The following SMPD1 variants were observed in gnomAD, a reference collection of about 807,000 sequenced individuals.
SMPD1 encodes sphingomyelin phosphodiesterase.
In SMPD1, 47 loss-of-function variants were observed where a neutral mutation model predicts 49.7. The observed-to-expected ratio is 0.95, with a 90% CI of 0.75 to 1.21. The LOEUF (loss-of-function observed/expected upper bound fraction) is 1.21, where lower values mean the gene tolerates loss of function less well. Ranked by LOEUF, SMPD1 falls within the 50% of genes most tolerant of loss-of-function variation. The pLI, the probability that SMPD1 is intolerant of heterozygous loss-of-function variation, is 0.00. For missense variants in SMPD1, 811 were observed against 822.2 expected (o/e 0.99, Z 0.17); for synonymous variants, 336 against 339.6 (o/e 0.99, Z 0.12).
In SMPD1 at chr11:6,390,619, A is replaced by G. The variant is rs774163288; in HGVS notation, c.21A>G (p.Ser7=). The change falls in exon 1 of 6, where the codon TCA becomes TCG. Residue 7 remains serine (S), a synonymous_variant. Transcript: ENST00000342245. MPRYGA[S]LRQSCPRSGR... ...CGACAATGCCCCGCTACGGAGCGTC[A>G]CTCCGCCAGAGCTGCCCCAGGTCCG... The G allele has an allele frequency of 6.2e-7, 1 of 1,612,542 alleles. No homozygotes were observed. The highest frequency in any genetic ancestry group is 8.5e-7 in the Non-Finnish European group (1 of 1,179,670).
In SMPD1 at chr11:6,393,291, T is replaced by C. The variant is rs1162794351; in HGVS notation, c.1167T>C (p.Arg389=). Residue 389 remains arginine, a synonymous_variant, in exon 3 of 6, where the codon CGT becomes CGC. Coordinates refer to ENST00000342245, the MANE Select transcript of SMPD1 (RefSeq NM_000543.5). ...CTCTCAATATGAATTTTTGTTCCCGTGAGAACTTCTGGCTCTTGATCAACT... is the reference window on the plus strand; with the variant it reads ...CTCTCAATATGAATTTTTGTTCCCGCGAGAACTTCTGGCTCTTGATCAACT... ...LISLNMNFCS[R]ENFWLLINST... The C allele has an allele frequency of 2.5e-6, 4 of 1,613,966 alleles. No individual in the cohort carries two copies. Among genetic ancestry groups the C allele is most frequent in the Middle Eastern group, 3.3e-4 (2 of 6,060 alleles).
Position 6,394,588 on chromosome 11 carries a change from C to A in SMPD1, c.1877C>A (p.Pro626Gln), listed in dbSNP as rs779792544. Residue 626 changes from proline to glutamine, a missense_variant, in exon 6 of 6, where the codon CCA (proline) becomes CAA (glutamine). Physicochemically the swap from Pro to Gln is moderately conservative, Grantham distance 76. Coordinates refer to ENST00000342245, the MANE Select transcript of SMPD1 (RefSeq NM_000543.5). ...GSLPEAQSLWPRPLFC is the reference protein window; with the variant it reads ...GSLPEAQSLWQRPLFC ...CTCCCAGAGGCCCAGAGCCTGTGGCCAAGGCCACTGTTTTGCTAGGGCCCC... is the reference window on the plus strand; with the variant it reads ...CTCCCAGAGGCCCAGAGCCTGTGGCAAAGGCCACTGTTTTGCTAGGGCCCC... 1 of 1,603,458 alleles carries A rather than the reference C, an allele frequency of 6.2e-7. No homozygotes were observed. Among genetic ancestry groups the A allele is most frequent in the African/African-American group, 1.3e-5 (1 of 75,064 alleles).
rs1274082613 is a variant in SMPD1, at chr11:6,394,789, G to A, written c.*182G>A. Reference sequence around the variant, plus strand: ...CTGGTTTAGCTGGATATGGGAGGGGGTTTGGCTGCCTGTGCCCAGGAGCTA... The same window carrying A: ...CTGGTTTAGCTGGATATGGGAGGGGATTTGGCTGCCTGTGCCCAGGAGCTA... On this transcript the variant is annotated 3_prime_UTR_variant, in exon 6 of 6. Transcript: ENST00000342245. The A allele has an allele frequency of 4.7e-6, 3 of 638,408 alleles. No homozygotes were observed. The highest frequency in any genetic ancestry group is 5.4e-5 in the East Asian group (2 of 36,718). 39.5% of individuals were successfully genotyped at this position (638,408 alleles called of 1,614,324 possible). A position where few individuals can be genotyped will look rare whatever the true frequency, so the allele number is the denominator to read the frequency against.
intron 3 of SMPD1, 90 bp downstream of exon 3, chr11:6,393,477 T>C: frequency 6.8e-7 from 1 of 1,469,762 alleles, no homozygotes; most frequent in East Asian, 2.3e-5. Flanking sequence ...AGTTTTATTT[T>C]CCTGGCATTC....
intron 2 of SMPD1, 173 bp downstream of exon 2, chr11:6,392,329 CTTTTT>C (rs756326903): frequency 7.9e-4 from 320 of 403,864 alleles, no homozygotes; most frequent in African/African-American, 3.3e-3. Flanking sequence ...CCGCACCAGG[CTTTTT>C]TTTTTTTTTT....
In SMPD1 at chr11:6,394,901, G is replaced by A. The variant is rs12278115; in HGVS notation, c.*294G>A. ...CTGGGCAGACAAGACAGGAGCTGTCGCCCCAGGCCTGTGCTGCCCAGCCAG... is the reference window on the plus strand; with the variant it reads ...CTGGGCAGACAAGACAGGAGCTGTCACCCCAGGCCTGTGCTGCCCAGCCAG... On this transcript the variant is annotated 3_prime_UTR_variant, in exon 6 of 6. Transcript: ENST00000342245. The A allele has an allele frequency of 6.5e-5, 32 of 492,168 alleles. 1 individual carries two copies. Among genetic ancestry groups the A allele is most frequent in the East Asian group, 1.1e-4 (3 of 26,494 alleles). 30.5% of individuals were successfully genotyped at this position (492,168 alleles called of 1,614,324 possible). A position where few individuals can be genotyped will look rare whatever the true frequency, so the allele number is the denominator to read the frequency against.
chr11:6,390,627 A>G lies in SMPD1; in HGVS notation c.29A>G (p.Gln10Arg). MPRYGASLRQSCPRSGREQG... is the reference protein window; with the variant it reads MPRYGASLRRSCPRSGREQG... Reference sequence around the variant, plus strand: ...CCCCGCTACGGAGCGTCACTCCGCCAGAGCTGCCCCAGGTCCGGCCGGGAG... The same window carrying G: ...CCCCGCTACGGAGCGTCACTCCGCCGGAGCTGCCCCAGGTCCGGCCGGGAG... Residue 10 changes from glutamine to arginine, a missense_variant, in exon 1 of 6, where the codon CAG becomes CGG. Physicochemically the swap from Gln to Arg is conservative, Grantham distance 43 (BLOSUM62 1). Coordinates refer to ENST00000342245, the MANE Select transcript of SMPD1 (RefSeq NM_000543.5). 1.9e-6 allele frequency: 3 copies of G among 1,612,972 alleles called. No individual in the cohort carries two copies. The highest frequency in any genetic ancestry group is 2.5e-6 in the Non-Finnish European group (3 of 1,179,742).
In SMPD1 at chr11:6,390,853, G is replaced by A. The variant is rs1554933929; in HGVS notation, c.255G>A (p.Gly85=). The change falls in exon 1 of 6, where the codon GGG becomes GGA. Residue 85 remains glycine, a synonymous_variant. Coordinates refer to ENST00000342245, the MANE Select transcript of SMPD1 (RefSeq NM_000543.5). ...RIVPRLRDVF[G]WGNLTCPICK... The stretch of plus-strand genomic sequence containing the variant: ...TGCCCCGGCTCCGAGATGTCTTTGG[G>A]TGGGGGAACCTCACCTGCCCAATCT... 6.2e-7 allele frequency: 1 copy of A among 1,614,212 alleles called. No individual in the cohort carries two copies. The highest frequency in any genetic ancestry group is 8.5e-7 in the Non-Finnish European group (1 of 1,180,030).
chr11:6,392,738 C>T (rs1847990641), intron 2 of SMPD1, among the ~76,000 whole-genome samples: 2 of 151,924 alleles, frequency 1.3e-5, no homozygotes, highest in African/African-American at 4.8e-5. Flanking sequence ...CATGATCTGC[C>T]CACCTCGGCC....
chr11:6,390,842 G>A lies in SMPD1; in HGVS notation c.244G>A (p.Asp82Asn). ...ACATCGCATAGTGCCCCGGCTCCGA[G>A]ATGTCTTTGGGTGGGGGAACCTCAC... is the stretch of plus-strand genomic sequence containing the variant. ...RLHRIVPRLR[D>N]VFGWGNLTCP... is the part of the protein sequence containing the mutation. Residue 82 changes from aspartate (D) to asparagine (N), a missense_variant, in exon 1 of 6, where the codon GAT (aspartate) becomes AAT (asparagine). Physicochemically the swap from Asp to Asn is conservative, Grantham distance 23 (BLOSUM62 1). Transcript: ENST00000342245. 6.2e-7 allele frequency: 1 copy of A among 1,614,166 alleles called. No homozygotes were observed. The highest frequency in any genetic ancestry group is 1.1e-5 in the South Asian group (1 of 91,084).
chr11:6,393,460 G>C, intron 3 of SMPD1, 73 bp downstream of exon 3: 1 of 1,534,294 alleles, frequency 6.5e-7, no homozygotes, highest in Non-Finnish European at 9.0e-7. Context: ...GCACCTCTGG[G>C]CACAGAAGTT....
Position 6,390,835 on chromosome 11 carries a change from G to A in SMPD1, c.237G>A (p.Arg79=). The change falls in exon 1 of 6, where the codon CGG becomes CGA. Residue 79 remains arginine, a synonymous_variant. Transcript: ENST00000342245. The part of the protein sequence containing the change: ...HPARLHRIVP[R]LRDVFGWGNL... ...CCAGGTTACATCGCATAGTGCCCCG[G>A]CTCCGAGATGTCTTTGGGTGGGGGA... 2.5e-6 allele frequency: 4 copies of A among 1,614,118 alleles called. No homozygotes were observed. The highest frequency in any genetic ancestry group is 1.1e-5 in the South Asian group (1 of 91,088).
rs1848072999 is a variant in SMPD1, at chr11:6,394,094, AAGG to A, written c.1486+57_1486+59del. 9.3e-6 allele frequency: 15 copies of A among 1,613,666 alleles called. No individual in the cohort carries two copies. The South Asian group carries it at 1.3e-4, about 14-fold the overall frequency. On this transcript the variant is annotated intron_variant, in intron 5 of 5. Coordinates refer to ENST00000342245, the MANE Select transcript of SMPD1 (RefSeq NM_000543.5). ...TATCCTGGAGTTGGTGGGATAGGGG[AAGG>A]AGGTTGGAGCCAGAGCCTGCAAAGC...
rs771373973 is a variant in SMPD1, at chr11:6,390,702, TGGTGCTGGCG to T, written c.105_114del (p.Val36TrpfsTer38). ...GCCCCCGGACTCCTTTGGATGGGCC[TGGTGCTGGCG>T]CTGGCGCTGGCGCTGGCGCTGGCGC... On this transcript the variant is annotated frameshift_variant, in exon 1 of 6. Transcript: ENST00000342245. LOFTEE classifies it high-confidence loss of function. The T allele has an allele frequency of 7.9e-7, 1 of 1,258,542 alleles. No individual in the cohort carries two copies. The allele number at this position is 1,258,542 out of a possible 1,614,324, so 78.0% of individuals were successfully genotyped here.
At chr11:6,393,057 A>T (rs1164650548) in intron 2 of SMPD1, among the ~76,000 whole-genome samples, 159 bp from the exon 3 acceptor site, 2 of 151,952 alleles carry the variant, frequency 1.3e-5, no homozygotes, top group African/African-American at 2.4e-5. Context: ...TTTGTGTCAC[A>T]CAGACCCAAT....
rs376815723 is a variant in SMPD1, at chr11:6,394,283, C to T, written c.1572C>T (p.Thr524=). Residue 524 remains threonine, a synonymous_variant, in exon 6 of 6, where the codon ACC becomes ACT. Transcript: ENST00000342245. ...ATGAGACCTACATCCTGAATCTGAC[C>T]CAGGCAAACATACCGGGAGCCATAC... ...LDHETYILNL[T]QANIPGAIPH... 6.2e-6 allele frequency: 10 copies of T among 1,614,094 alleles called. No individual in the cohort carries two copies. The African/African-American group carries it at 1.3e-4, about 22-fold the overall frequency.
Position 6,394,726 on chromosome 11 carries a change from A to G in SMPD1, c.*119A>G. The G allele has an allele frequency of 1.1e-6, 1 of 870,884 alleles. No homozygotes were observed. Among genetic ancestry groups the G allele is most frequent in the South Asian group, 1.5e-5 (1 of 67,814 alleles). 53.9% of individuals were successfully genotyped at this position (870,884 alleles called of 1,614,324 possible). A position where few individuals can be genotyped will look rare whatever the true frequency, so the allele number is the denominator to read the frequency against. ...TGAAAGAACCAGTCCCTGGGCCCCAAGGATGCCGGGGAAACAGGACCTTCT... is the reference window on the plus strand; with the variant it reads ...TGAAAGAACCAGTCCCTGGGCCCCAGGGATGCCGGGGAAACAGGACCTTCT... On this transcript the variant is annotated 3_prime_UTR_variant, in exon 6 of 6. Transcript: ENST00000342245.
intron 4 of SMPD1, 61 bp downstream of exon 4, chr11:6,393,754 C>T: frequency 5.1e-6 from 8 of 1,559,564 alleles, no homozygotes; most frequent in Non-Finnish European, 7.1e-6. Context: ...TGAAAATTCC[C>T]TTGAGCATCT....
In SMPD1 at chr11:6,394,332, GC is replaced by G; in HGVS notation, c.1622del (p.Ala541ValfsTer72). The G allele has an allele frequency of 6.2e-7, 1 of 1,614,238 alleles. No homozygotes were observed. Among genetic ancestry groups the G allele is most frequent in the African/African-American group, 1.3e-5 (1 of 75,064 alleles). On this transcript the variant is annotated frameshift_variant, in exon 6 of 6. Transcript: ENST00000342245. LOFTEE classifies it high-confidence loss of function. Reference protein sequence around the residue: ...AIPHWQLLYRARETYGLPNTL... With the variant: ...AIPHWQLLYRXRETYGLPNTL... ...ACCGCACTGGCAGCTTCTCTACAGG[GC>G]TCGAGAAACCTATGGGCTGCCCAAC...
Sources: allele counts gnomAD v4.1 joint callset (sites outside exome capture counted in the v4.1 genomes callset), GRCh38; gene constraint gnomAD v4.1.1; transcripts MANE v1.5; gene names NCBI Gene and HGNC (gene_info 2026-07-23, HGNC 2026-07-21).